The following ABCC9 variants were observed in gnomAD, a reference collection of about 807,000 sequenced individuals.
ABCC9 encodes the protein ATP-binding cassette sub-family C member 9.
A neutral mutation model predicts 188.3 loss-of-function variants in ABCC9; 95 were observed. The ratio of observed to expected loss-of-function variants is 0.50; its 90% CI spans 0.43 to 0.60. ABCC9 has a LOEUF of 0.60. Ranked by LOEUF, ABCC9 falls within the 20% of genes least tolerant of loss-of-function variation. ABCC9 has a pLI of 0.00. For missense variants in ABCC9, 1,102 were observed against 1,876.3 expected, an observed-to-expected ratio of 0.59 and a Z score of 7.62; for synonymous variants, 659 against 652.7, an observed-to-expected ratio of 1.01 and a Z score of -0.15.
At chr12:21,885,273 G>A (rs1946814867) in intron 15 of ABCC9, among the ~76,000 whole-genome samples, 1 of 152,110 alleles carries the variant, frequency 6.6e-6, no homozygotes, top group Non-Finnish European at 1.5e-5. Context: ...TAAAAAGTTT[G>A]TCATTTGTGG....
chr12:21,851,690 T>C (rs1944973007), intron 24 of ABCC9, among the ~76,000 whole-genome samples: 1 of 152,174 alleles, frequency 6.6e-6, no homozygotes, highest in African/African-American at 2.4e-5. Context: ...ACCTTGGCTT[T>C]TGACTTTCCA....
intron 12 of ABCC9, among the ~76,000 whole-genome samples, chr12:21,898,271 A>G (rs948975404): frequency 1.3e-5 from 2 of 152,256 alleles, no homozygotes; most frequent in African/African-American, 2.4e-5. Flanking sequence ...TATACTCTCA[A>G]TATATCTTTG....
At chr12:21,916,835 A>G (rs1948619134) in intron 6 of ABCC9, 102 bp downstream of exon 6, 3 of 1,000,384 alleles carry the variant, frequency 3.0e-6, no homozygotes, top group Non-Finnish European at 4.3e-6. Context: ...AATCAAATAC[A>G]TGTGTTCATC....
chr12:21,915,797 C>T lies in ABCC9; in HGVS notation c.687G>A (p.Trp229Ter). 6 of 1,613,396 alleles carry T rather than the reference C, an allele frequency of 3.7e-6. No homozygotes were observed. Among genetic ancestry groups the T allele is most frequent in the Non-Finnish European group, 5.1e-6 (6 of 1,179,826 alleles). ...FVNLLSKATYWWMNTLIISAH... is the reference protein window; with the variant it reads ...FVNLLSKATY The stretch of plus-strand genomic sequence containing the variant: ...CAGATATAATAAGTGTGTTCATCCA[C>T]CAGTATGTTGCTTTTGACAGCAAAT... The change falls in exon 7 of 40, where the codon TGG becomes TGA. Residue 229 changes from tryptophan to a stop codon, truncating the protein, a stop_gained. Coordinates refer to ENST00000261200, the MANE Select transcript of ABCC9 (RefSeq NM_020297.4). LOFTEE classifies it high-confidence loss of function.
rs536696390 is a variant in ABCC9, at chr12:21,808,189, A to G, written c.4316-710T>C. Among the ~76,000 whole-genome samples, 4 of 152,236 alleles carry G rather than the reference A, an allele frequency of 2.6e-5. No homozygotes were observed. The East Asian group carries it at 7.7e-4, about 29-fold the overall frequency. Reference sequence around the variant, plus strand: ...GGAAAATTTCTATTGATTATATTCTAATGGTATCAAAGTCTTATAATTTGT... The same window carrying G: ...GGAAAATTTCTATTGATTATATTCTGATGGTATCAAAGTCTTATAATTTGT... On this transcript the variant is annotated intron_variant, in intron 37 of 39. Coordinates refer to ENST00000261200, the MANE Select transcript of ABCC9 (RefSeq NM_020297.4).
chr12:21,849,180 A>G (rs1260578907), intron 24 of ABCC9, among the ~76,000 whole-genome samples: 2 of 151,236 alleles, frequency 1.3e-5, no homozygotes, highest in Non-Finnish European at 3.0e-5. Flanking sequence ...TGCCAATACA[A>G]AGAAAAAAAA....
chr12:21,861,914 C>A (rs1945525365), intron 20 of ABCC9, among the ~76,000 whole-genome samples: 1 of 151,958 alleles, frequency 6.6e-6, no homozygotes, highest in Non-Finnish European at 1.5e-5. Flanking sequence ...TGACAGTCCT[C>A]AAGTTCATAT....
At chr12:21,801,269 G>C in intron 39 of ABCC9, 88 bp from the exon 40 acceptor site, 2 of 1,553,570 alleles carry the variant, frequency 1.3e-6, no homozygotes, top group Non-Finnish European at 1.8e-6. Flanking sequence ...GAATTATTCT[G>C]GGACATTTGT....
Position 21,848,077 on chromosome 12 carries a change from ACACT to A in ABCC9, c.2866+69_2866+72del, listed in dbSNP as rs1424870422. ...AAGTGGCTTATTATTCCTCATGGAG[ACACT>A]CACACATAAAAAACCCTCGCATCCT... On this transcript the variant is annotated intron_variant, in intron 25 of 39. Coordinates refer to ENST00000261200, the MANE Select transcript of ABCC9 (RefSeq NM_020297.4). The A allele has an allele frequency of 7.4e-5, 96 of 1,295,994 alleles. 1 individual carries two copies. The highest frequency in any genetic ancestry group is 5.8e-4 in the South Asian group (48 of 83,062). The allele number at this position is 1,295,994 out of a possible 1,614,324, so 80.3% of individuals were successfully genotyped here.
intron 25 of ABCC9, among the ~76,000 whole-genome samples, chr12:21,847,458 T>C (rs1219557980): frequency 1.3e-5 from 2 of 151,296 alleles, no homozygotes; most frequent in Non-Finnish European, 2.9e-5. Flanking sequence ...ACATTTTCTC[T>C]GTTTTTTTTA....
rs1301063244 is a variant in ABCC9, at chr12:21,797,544, T to A, written c.*3500A>T. 1 of 152,056 alleles carries A rather than the reference T, an allele frequency of 6.6e-6. No homozygotes were observed. The highest frequency in any genetic ancestry group is 2.4e-5 in the African/African-American group (1 of 41,446). The allele number at this position is 152,056 out of a possible 1,614,324, so 9.4% of individuals were successfully genotyped here. A position where few individuals can be genotyped will look rare whatever the true frequency, so the allele number is the denominator to read the frequency against. On this transcript the variant is annotated 3_prime_UTR_variant, in exon 40 of 40. Transcript: ENST00000261200. ...ACACAACATAGAAAAGGAAAGAGAA[T>A]AACCTATAGTTATAGGCACATGGCA...
intron 18 of ABCC9, among the ~76,000 whole-genome samples, chr12:21,871,252 C>T (rs1946058427): frequency 6.6e-6 from 1 of 152,254 alleles, no homozygotes; most frequent in East Asian, 1.9e-4. Context: ...TAGTGACTGA[C>T]ACCATCTACT....
chr12:21,930,650 C>T (rs988773213), intron 4 of ABCC9, among the ~76,000 whole-genome samples: 3 of 152,126 alleles, frequency 2.0e-5, no homozygotes, highest in Admixed American at 1.3e-4. Flanking sequence ...TATGTGCAAA[C>T]GTGCACAGAA....
intron 22 of ABCC9, among the ~76,000 whole-genome samples, chr12:21,856,542 TCTAA>T (rs1417846478): frequency 6.6e-6 from 1 of 152,208 alleles, no homozygotes; most frequent in East Asian, 1.9e-4. Context: ...GACATTTTCA[TCTAA>T]CTTTTATACT....
intron 31 of ABCC9, among the ~76,000 whole-genome samples, chr12:21,826,788 G>C (rs903221062): frequency 3.3e-5 from 5 of 152,184 alleles, no homozygotes; most frequent in Non-Finnish European, 7.4e-5. Context: ...CAGCAGATAT[G>C]CCTGGAACCT....
intron 14 of ABCC9, among the ~76,000 whole-genome samples, chr12:21,893,194 T>TAAC (rs1565455118): frequency 1.3e-5 from 2 of 152,098 alleles, no homozygotes; most frequent in Non-Finnish European, 2.9e-5. Context: ...AAAATGGTCT[T>TAAC]ATATCACATC....
At chr12:21,857,757 A>T (rs1418325737) in intron 22 of ABCC9, among the ~76,000 whole-genome samples, 1 of 152,208 alleles carries the variant, frequency 6.6e-6, no homozygotes, top group African/African-American at 2.4e-5. Flanking sequence ...CAAAGAATGT[A>T]GGCAGCTTGT....
chr12:21,834,812 C>T (rs1743241097), intron 30 of ABCC9, among the ~76,000 whole-genome samples: 1 of 151,652 alleles, frequency 6.6e-6, no homozygotes, highest in Admixed American at 6.6e-5. Context: ...CACACACACA[C>T]ACACACACAC....
intron 22 of ABCC9, among the ~76,000 whole-genome samples, chr12:21,856,878 A>G (rs976616388): frequency 3.9e-5 from 6 of 152,214 alleles, no homozygotes; most frequent in African/African-American, 7.2e-5. Context: ...TACATAGCCA[A>G]TACTCAAAAG....
Sources: allele counts gnomAD v4.1 joint callset (sites outside exome capture counted in the v4.1 genomes callset), GRCh38; gene constraint gnomAD v4.1.1; transcripts MANE v1.5; gene names NCBI Gene and HGNC (gene_info 2026-07-23, HGNC 2026-07-21).